GRID2: variants seen among roughly 807,000 people sequenced by gnomAD.
GRID2 encodes glutamate receptor ionotropic, delta-2.
Under a neutral mutation model 114.8 loss-of-function variants are expected in GRID2, and 33 were observed. The observed-to-expected ratio is 0.29, with a 90% CI of 0.22 to 0.38. The LOEUF (loss-of-function observed/expected upper bound fraction) is 0.38, where lower values mean the gene tolerates loss of function less well. Ranked by LOEUF, GRID2 falls within the 10% of genes least tolerant of loss-of-function variation. The probability of loss-of-function intolerance (pLI) is 1.00; values close to 1 mark genes in which losing one functional copy is unlikely to be tolerated. For missense variants in GRID2, 1,184 were observed against 1,257.7 expected (o/e 0.94, Z 0.89); for synonymous variants, 505 against 449.9 (o/e 1.12, Z -1.55).
At chr4:92,856,194 C>T (rs1744166417) in intron 2 of GRID2, among the ~76,000 whole-genome samples, 2 of 151,980 alleles carry the variant, frequency 1.3e-5, no homozygotes, top group Admixed American at 1.3e-4. Flanking sequence ...TTGATTCTTC[C>T]TTGTTCCTTG....
intron 2 of GRID2, among the ~76,000 whole-genome samples, chr4:92,920,165 G>A (rs914880740): frequency 6.6e-6 from 1 of 152,106 alleles, no homozygotes; most frequent in African/African-American, 2.4e-5. Context: ...GACTAGGACT[G>A]CAACCCTTGC....
At chr4:92,536,114 T>G (rs1725616636) in intron 1 of GRID2, among the ~76,000 whole-genome samples, 1 of 152,232 alleles carries the variant, frequency 6.6e-6, no homozygotes, top group East Asian at 1.9e-4. Context: ...AGGCTGCCAC[T>G]GCTTGCGCCG....
chr4:93,254,704 G>C (rs987209714), intron 8 of GRID2, among the ~76,000 whole-genome samples: 4 of 152,120 alleles, frequency 2.6e-5, no homozygotes, highest in Admixed American at 6.6e-5. Flanking sequence ...ATTTGAATAA[G>C]TGCACTTTCA....
At chr4:93,785,892 G>A (rs1321008811) in intron 1 of GRID2, among the ~76,000 whole-genome samples, 3 of 152,168 alleles carry the variant, frequency 2.0e-5, no homozygotes, top group Non-Finnish European at 4.4e-5. Context: ...AATGGGGTCT[G>A]GGTCTGGGCT....
chr4:93,268,839 T>C (rs1420496836), intron 8 of GRID2, among the ~76,000 whole-genome samples: 3 of 152,176 alleles, frequency 2.0e-5, no homozygotes, highest in African/African-American at 2.4e-5. Flanking sequence ...TGAATTAGGA[T>C]AGGAAGAAAT....
chr4:93,021,851 A>C (rs879752592), intron 2 of GRID2, among the ~76,000 whole-genome samples: 1 of 147,480 alleles, frequency 6.8e-6, no homozygotes, highest in Non-Finnish European at 1.5e-5. Flanking sequence ...TTAAATAATA[A>C]ATATTATAAC....
rs956509324 is a variant in GRID2 at position 93,454,015 on chromosome 4, C to T, written c.1546-1647C>T. 4.6e-5 allele frequency among the ~76,000 whole-genome samples: 7 copies of T among 152,054 alleles called. No homozygotes were observed. The East Asian group carries it at 1.4e-3, about 29-fold the overall frequency. ...AAGACGGGACAAGGGAGTTAAACAT[C>T]CAGGTTAGATTTTCCATCTGAAAAG... On this transcript the variant is annotated intron_variant, in intron 10 of 15. Transcript: ENST00000282020.
At chr4:92,497,364 T>C (rs1281786525) in intron 1 of GRID2, among the ~76,000 whole-genome samples, 1 of 151,812 alleles carries the variant, frequency 6.6e-6, no homozygotes, top group Non-Finnish European at 1.5e-5. Flanking sequence ...TCCTATTTAG[T>C]TTATCCAGGT....
intron 2 of GRID2, among the ~76,000 whole-genome samples, chr4:92,922,891 A>G (rs1480046140): frequency 6.6e-6 from 1 of 152,234 alleles, no homozygotes; most frequent in Non-Finnish European, 1.5e-5. Flanking sequence ...ACTTGGGGGA[A>G]GAATAATGGA....
intron 1 of GRID2, among the ~76,000 whole-genome samples, chr4:92,431,445 A>C (rs975972438): frequency 6.6e-6 from 1 of 152,154 alleles, no homozygotes; most frequent in Non-Finnish European, 1.5e-5. Flanking sequence ...TCTCTGGGAT[A>C]AACCCATTTG....
chr4:93,050,733 C>G (rs1337222456), intron 2 of GRID2, among the ~76,000 whole-genome samples: 1 of 151,882 alleles, frequency 6.6e-6, no homozygotes, highest in Non-Finnish European at 1.5e-5. Flanking sequence ...ATAGTCCTGT[C>G]CTAGATGAAG....
At chr4:92,934,079 T>C (rs1038421820) in intron 2 of GRID2, among the ~76,000 whole-genome samples, 2 of 151,842 alleles carry the variant, frequency 1.3e-5, no homozygotes, top group African/African-American at 4.8e-5. Flanking sequence ...TTGTATTTGA[T>C]AAAAATTATT....
intron 13 of GRID2, among the ~76,000 whole-genome samples, chr4:93,518,159 C>T (rs776964276): frequency 4.0e-5 from 6 of 151,296 alleles, no homozygotes; most frequent in Non-Finnish European, 8.8e-5. Context: ...ACAGTCCTCA[C>T]AATCTATAAC....
At chr4:93,267,136 A>G (rs1045868339) in intron 8 of GRID2, among the ~76,000 whole-genome samples, 2 of 146,756 alleles carry the variant, frequency 1.4e-5, no homozygotes, top group Non-Finnish European at 3.0e-5. Flanking sequence ...TTATGGGTGG[A>G]TAGTGTTCCA....
At chr4:92,567,832 C>G (rs1727408026) in intron 1 of GRID2, among the ~76,000 whole-genome samples, 1 of 151,918 alleles carries the variant, frequency 6.6e-6, no homozygotes, top group African/African-American at 2.4e-5. Context: ...CTACTACTTA[C>G]CTAATATGCG....
At chr4:92,739,390 T>G (rs574613749) in intron 2 of GRID2, among the ~76,000 whole-genome samples, 4 of 152,302 alleles carry the variant, frequency 2.6e-5, no homozygotes, top group African/African-American at 9.6e-5. Context: ...TCAGCGGCAG[T>G]GATGTCTTTA....
At chr4:92,713,499 A>ATATATG (rs1553919742) in intron 2 of GRID2, among the ~76,000 whole-genome samples, 3 of 128,916 alleles carry the variant, frequency 2.3e-5, no homozygotes, top group African/African-American at 8.6e-5. Context: ...ATATATATAT[A>ATATATG]TATATATATA....
Position 92,652,797 on chromosome 4 carries a change from GA to G in GRID2, c.244+62521del, listed in dbSNP as rs1237515009. ...TCAAGACCAGCCTGGCCAAGATGGTGAAAAAAAAAATATATATATATATATA... is the reference window on the plus strand; with the variant it reads ...TCAAGACCAGCCTGGCCAAGATGGTGAAAAAAAAATATATATATATATATA... On this transcript the variant is annotated intron_variant, in intron 2 of 15. Coordinates refer to ENST00000282020, the MANE Select transcript of GRID2 (RefSeq NM_001510.4). Among the ~76,000 whole-genome samples the G allele has an allele frequency of 2.4e-4, 27 of 114,696 alleles. 1 individual carries two copies. Among genetic ancestry groups the G allele is most frequent in the South Asian group, 1.7e-3 (6 of 3,564 alleles). 75.2% of individuals were successfully genotyped at this position (114,696 alleles called of 152,430 possible). A position where few individuals can be genotyped will look rare whatever the true frequency, so the allele number is the denominator to read the frequency against.
At chr4:93,740,814 G>T (rs1029231247) in intron 14 of GRID2, among the ~76,000 whole-genome samples, 25 of 151,550 alleles carry the variant, frequency 1.6e-4, no homozygotes, top group African/African-American at 6.1e-4. Flanking sequence ...GTCTACTTGG[G>T]GGGGCAAGGA....
Sources: gnomAD v4.1 joint callset for allele counts (sites outside exome capture counted in the v4.1 genomes callset) on GRCh38, gnomAD v4.1.1 for gene constraint, MANE v1.5 for transcripts, NCBI Gene and HGNC (gene_info 2026-07-23, HGNC 2026-07-21) for gene names.